Variants in FGGY observed in about 807,000 individuals in gnomAD.
FGGY encodes the protein FGGY carbohydrate kinase domain-containing protein.
Under a neutral mutation model 71.3 loss-of-function variants are expected in FGGY, and 72 were observed. The observed-to-expected ratio is 1.01, with a 90% CI of 0.84 to 1.23. The LOEUF (loss-of-function observed/expected upper bound fraction) is 1.23, where lower values mean the gene tolerates loss of function less well. FGGY is among the 50% of genes most tolerant of loss of function. The probability of loss-of-function intolerance (pLI) is 0.00; values close to 1 mark genes in which losing one functional copy is unlikely to be tolerated. For missense variants in FGGY, 668 were observed against 682.3 expected (o/e 0.98, Z 0.23); for synonymous variants, 251 against 250.3 (o/e 1.00, Z -0.02).
intron 7 of FGGY, among the ~76,000 whole-genome samples, chr1:59,553,719 T>A (rs2095643757): frequency 6.6e-6 from 1 of 152,228 alleles, no homozygotes; most frequent in Admixed American, 6.5e-5. Context: ...TCAGTTAACC[T>A]CTGCAGACCT....
At position 59,470,608 on chromosome 1, in the gene FGGY, C is replaced by T. The variant is rs189309612; in HGVS notation, c.670+13532C>T. On this transcript the variant is annotated intron_variant, in intron 6 of 15. Coordinates refer to ENST00000303721, the MANE Select transcript of FGGY (RefSeq NM_018291.5). Reference sequence around the variant, plus strand: ...ATGGGAGCATTCACACCAATACTACCTCATTTTAGGGGAAAGAAGAGGAAA... The same window carrying T: ...ATGGGAGCATTCACACCAATACTACTTCATTTTAGGGGAAAGAAGAGGAAA... Among the ~76,000 whole-genome samples, 642 of 152,264 alleles carry T rather than the reference C, an allele frequency of 4.2e-3. 19 individuals are homozygous for T. Among genetic ancestry groups the T allele is most frequent in the Non-Finnish European group, 1.4e-3 (93 of 68,012 alleles).
intron 7 of FGGY, among the ~76,000 whole-genome samples, chr1:59,532,731 G>C (rs903929797): frequency 6.6e-6 from 1 of 152,062 alleles, no homozygotes; most frequent in Admixed American, 6.5e-5. Flanking sequence ...ATATTACAAT[G>C]TTCCAATTCT....
chr1:59,509,494 C>T (rs1253591819), intron 6 of FGGY, among the ~76,000 whole-genome samples: 1 of 152,162 alleles, frequency 6.6e-6, no homozygotes, highest in African/African-American at 2.4e-5. Flanking sequence ...GTATGGATTA[C>T]AAGGCCCTGC....
At chr1:59,739,880 C>T (rs1470626225) in intron 14 of FGGY, among the ~76,000 whole-genome samples, 1 of 152,216 alleles carries the variant, frequency 6.6e-6, no homozygotes, top group Non-Finnish European at 1.5e-5. Context: ...TCTCTTAGCC[C>T]TGGTTTCTGG....
intron 6 of FGGY, among the ~76,000 whole-genome samples, chr1:59,511,294 G>A (rs2094511788): frequency 1.3e-5 from 2 of 152,030 alleles, no homozygotes; most frequent in Admixed American, 1.3e-4. Flanking sequence ...CCCAGTCCTT[G>A]AGCTCCATGG....
chr1:59,558,244 C>CA (rs1351182922), intron 8 of FGGY, among the ~76,000 whole-genome samples: 1 of 152,158 alleles, frequency 6.6e-6, no homozygotes, highest in Non-Finnish European at 1.5e-5. Flanking sequence ...TTGTTAATCA[C>CA]ATGAACAATC....
intron 5 of FGGY, among the ~76,000 whole-genome samples, chr1:59,435,556 T>TGCCCCTTTGCAGCCACTC (rs1553201919): frequency 6.6e-6 from 1 of 152,132 alleles, no homozygotes; most frequent in African/African-American, 2.4e-5. Flanking sequence ...ACAAGCACTT[T>TGCCCCTTTGCAGCCACTC]GCCCCTTTGC....
intron 5 of FGGY, among the ~76,000 whole-genome samples, chr1:59,433,222 A>G (rs2067744299): frequency 6.6e-6 from 1 of 152,192 alleles, no homozygotes; most frequent in Admixed American, 6.5e-5. Flanking sequence ...ACTAGTTGCC[A>G]GTAGCACATA....
At chr1:59,402,805 T>A (rs905508372) in intron 5 of FGGY, among the ~76,000 whole-genome samples, 5 of 152,084 alleles carry the variant, frequency 3.3e-5, no homozygotes, top group Non-Finnish European at 7.4e-5. Context: ...GGAGGATTAT[T>A]TGGCAAAACG....
At chr1:59,699,930 A>G (rs1573412061) in intron 14 of FGGY, among the ~76,000 whole-genome samples, 1 of 152,178 alleles carries the variant, frequency 6.6e-6, no homozygotes, top group South Asian at 2.1e-4. Context: ...TCACCCTTAT[A>G]AAGTTGTCAT....
At chr1:59,340,108 C>G in intron 3 of FGGY, 39 bp downstream of exon 3, 2 of 1,445,114 alleles carry the variant, frequency 1.4e-6, no homozygotes, top group Non-Finnish European at 1.9e-6. Flanking sequence ...TGGTGGGATA[C>G]TTGGCTGATT....
chr1:59,535,048 A>G (rs1231586318), intron 7 of FGGY, among the ~76,000 whole-genome samples: 1 of 152,196 alleles, frequency 6.6e-6, no homozygotes, highest in Admixed American at 6.5e-5. Context: ...AATTGGATAA[A>G]GAGTCAAGAC....
At chr1:59,526,637 A>G (rs1194265637) in intron 7 of FGGY, among the ~76,000 whole-genome samples, 1 of 152,250 alleles carries the variant, frequency 6.6e-6, no homozygotes, top group African/African-American at 2.4e-5. Context: ...GAAAACTTGG[A>G]TAAGCCTTTT....
At chr1:59,500,506 T>A (rs2094189847) in intron 6 of FGGY, among the ~76,000 whole-genome samples, 1 of 151,912 alleles carries the variant, frequency 6.6e-6, no homozygotes, top group Non-Finnish European at 1.5e-5. Flanking sequence ...ATAGATGGCT[T>A]TTATGATATA....
At chr1:59,591,570 G>A (rs887663503) in intron 8 of FGGY, among the ~76,000 whole-genome samples, 24 of 152,166 alleles carry the variant, frequency 1.6e-4, no homozygotes, top group Admixed American at 1.4e-3. Flanking sequence ...AAAAGAGCAT[G>A]GTACTGGTAA....
At chr1:59,437,215 A>T (rs1258419284) in intron 5 of FGGY, among the ~76,000 whole-genome samples, 2 of 152,262 alleles carry the variant, frequency 1.3e-5, no homozygotes, top group South Asian at 4.1e-4. Context: ...ATGTGTGAAG[A>T]TGTCTGCCAT....
chr1:59,345,969 A>T (rs925888769), intron 3 of FGGY, among the ~76,000 whole-genome samples: 2 of 152,300 alleles, frequency 1.3e-5, no homozygotes, highest in Admixed American at 6.5e-5. Context: ...TTTGAGAGAG[A>T]ATACTTGATA....
At chr1:59,355,176 G>C (rs541490526) in intron 4 of FGGY, among the ~76,000 whole-genome samples, 15 of 152,248 alleles carry the variant, frequency 9.9e-5, no homozygotes, top group African/African-American at 2.9e-4. Flanking sequence ...ATATGTGCTA[G>C]GTAGATAGTA....
chr1:59,586,513 C>CG (rs922773575), intron 8 of FGGY, among the ~76,000 whole-genome samples: 2 of 150,906 alleles, frequency 1.3e-5, no homozygotes, highest in Non-Finnish European at 3.0e-5. Flanking sequence ...GTGGTGGGGT[C>CG]GGGGGAGTGG....
Sources: gnomAD v4.1 joint callset for allele counts (sites outside exome capture counted in the v4.1 genomes callset) on GRCh38, gnomAD v4.1.1 for gene constraint, MANE v1.5 for transcripts, NCBI Gene and HGNC (gene_info 2026-07-23, HGNC 2026-07-21) for gene names.